EVL: variants seen among roughly 807,000 people sequenced by gnomAD.
The protein encoded by EVL is Enah/Vasp-like.
In EVL, 21 loss-of-function variants were observed where a neutral mutation model predicts 59.6. The observed-to-expected ratio is 0.35, with a 90% CI of 0.25 to 0.51. The LOEUF is 0.51. Ranked by LOEUF, EVL falls within the 20% of genes least tolerant of loss-of-function variation. EVL has a pLI of 0.97. For synonymous variants in EVL, 198 were observed against 203.5 expected (o/e 0.97, Z 0.23); for missense variants, 462 against 546.6 (o/e 0.85, Z 1.54).
At chr14:100,129,741 C>T (rs1888313408) in intron 7 of EVL, 57 bp downstream of exon 7, 2 of 1,476,392 alleles carry the variant, frequency 1.4e-6, no homozygotes, top group Admixed American at 4.8e-5. Context: ...CCTGCCCCCG[C>T]CCCCAGCGCT....
intron 1 of EVL, among the ~76,000 whole-genome samples, chr14:100,021,850 C>G (rs1378022971): frequency 1.3e-5 from 2 of 152,124 alleles, no homozygotes; most frequent in South Asian, 2.1e-4. Flanking sequence ...AAATTGAGAG[C>G]AGACAGAAGC....
intron 1 of EVL, among the ~76,000 whole-genome samples, chr14:99,976,361 G>A (rs2060770227): frequency 6.6e-6 from 1 of 151,978 alleles, no homozygotes; most frequent in Non-Finnish European, 1.5e-5. Flanking sequence ...ATTTCTATTT[G>A]TTTCTGTTTT....
At chr14:100,125,151 C>CACACACACA (rs1566718479) in intron 4 of EVL, among the ~76,000 whole-genome samples, 6 of 124,206 alleles carry the variant, frequency 4.8e-5, no homozygotes, top group African/African-American at 2.3e-4. Flanking sequence ...CACACACACA[C>CACACACACA]CTGCCCCAAG....
chr14:100,118,501 C>T (rs542673695), intron 3 of EVL, among the ~76,000 whole-genome samples: 3 of 152,342 alleles, frequency 2.0e-5, no homozygotes, highest in Admixed American at 6.5e-5. Context: ...CTTCATGTCC[C>T]TGCTTGCAGA....
intron 1 of EVL, among the ~76,000 whole-genome samples, chr14:100,082,441 G>A (rs756860224): frequency 6.6e-6 from 1 of 152,292 alleles, no homozygotes; most frequent in Admixed American, 6.5e-5. Flanking sequence ...TCAGCTATCC[G>A]GTGGGTTGTC....
chr14:99,979,089 TA>T, intron 1 of EVL, among the ~76,000 whole-genome samples: 1 of 152,212 alleles, frequency 6.6e-6, no homozygotes, highest in Non-Finnish European at 1.5e-5. Context: ...TTTGAAGGCT[TA>T]CTGTTGTCTG....
At chr14:100,039,868 T>C (rs188678076) in intron 1 of EVL, among the ~76,000 whole-genome samples, 2 of 152,274 alleles carry the variant, frequency 1.3e-5, no homozygotes, top group Admixed American at 1.3e-4. Flanking sequence ...TGTCACGACC[T>C]CCTGGGTTCA....
At chr14:100,028,144 T>TTG (rs1566974671) in intron 1 of EVL, among the ~76,000 whole-genome samples, 1 of 150,726 alleles carries the variant, frequency 6.6e-6, no homozygotes, top group African/African-American at 2.4e-5. Flanking sequence ...GTTTTTTTTT[T>TTG]TTTTTTTGAG....
chr14:100,125,114 A>C (rs1284582198), intron 4 of EVL, among the ~76,000 whole-genome samples: 1 of 131,822 alleles, frequency 7.6e-6, no homozygotes, highest in African/African-American at 3.0e-5. Context: ...ACCTGCCCCA[A>C]GGCGGGACCA....
chr14:99,976,242 G>A (rs1220424681), intron 1 of EVL, among the ~76,000 whole-genome samples: 1 of 151,468 alleles, frequency 6.6e-6, no homozygotes, highest in African/African-American at 2.4e-5. Flanking sequence ...GGGTCTTGCT[G>A]TGTTGCCCAG....
At chr14:100,096,961 A>G (rs555111762) in intron 2 of EVL, 1 of 152,954 alleles carries the variant, frequency 6.5e-6, no homozygotes, top group South Asian at 2.1e-4. Context: ...AATGCATTCA[A>G]AGTACTAGAC....
At chr14:100,090,756 C>T (rs7148390) in intron 2 of EVL, among the ~76,000 whole-genome samples, 42,344 of 151,958 alleles carry the variant, frequency 0.28, 8,754 homozygotes, top group African/African-American at 0.59. Context: ...ATTAAAAGTA[C>T]AAAAGTGATT....
intron 2 of EVL, among the ~76,000 whole-genome samples, chr14:100,091,543 G>T (rs540573432): frequency 9.9e-5 from 15 of 152,202 alleles, no homozygotes; most frequent in African/African-American, 1.2e-4. Flanking sequence ...GTTCCTGGAG[G>T]GGGGGCAGGC....
Position 100,109,306 on chromosome 14 carries a change from G to A in EVL, c.358+11648G>A, listed in dbSNP as rs949731766. On this transcript the variant is annotated intron_variant, in intron 3 of 13. Coordinates refer to ENST00000392920, the MANE Select transcript of EVL (RefSeq NM_016337.3). This position sits in a 1 kb window ranked among gnomAD's most constrained non-coding sequence, Gnocchi z 4.3. The stretch of plus-strand genomic sequence containing the variant: ...TCATGCATGTTCTCTCCATACTCCT[G>A]GTCACCTTCTGCTCATCCTTTGCCC... 6 of 347,380 alleles carry A rather than the reference G, an allele frequency of 1.7e-5. No individual in the cohort carries two copies. Among genetic ancestry groups the A allele is most frequent in the Non-Finnish European group, 2.8e-5 (5 of 176,460 alleles). The allele number at this position is 347,380 out of a possible 1,614,324, so 21.5% of individuals were successfully genotyped here. A position where few individuals can be genotyped will look rare whatever the true frequency, so the allele number is the denominator to read the frequency against.
intron 1 of EVL, among the ~76,000 whole-genome samples, chr14:100,006,021 C>CG (rs1365700376): frequency 1.3e-5 from 2 of 150,716 alleles, no homozygotes; most frequent in East Asian, 2.0e-4. Flanking sequence ...CCCCCCCCCC[C>CG]CCACACCGAC....
intron 3 of EVL, among the ~76,000 whole-genome samples, chr14:100,122,250 C>T (rs992016893): frequency 1.3e-5 from 2 of 152,204 alleles, no homozygotes; most frequent in African/African-American, 4.8e-5. Flanking sequence ...TCTGACACCA[C>T]TGTCTGATTG....
At chr14:100,081,698 C>A (rs1171063528) in intron 1 of EVL, among the ~76,000 whole-genome samples, 1 of 152,128 alleles carries the variant, frequency 6.6e-6, no homozygotes, top group Non-Finnish European at 1.5e-5. Flanking sequence ...CTCTACGTGC[C>A]GTGCAGTTCT....
At chr14:99,971,567 C>G (rs1364043618) in exon 1 of EVL, 1 of 151,712 alleles carries the variant, frequency 6.6e-6, no homozygotes, top group South Asian at 2.1e-4. Context: ...GTGGGGCGAA[C>G]AGCAACGCGC....
At chr14:100,131,079 G>C (rs554188039) in intron 7 of EVL, among the ~76,000 whole-genome samples, 69 of 152,260 alleles carry the variant, frequency 4.5e-4, no homozygotes, top group Non-Finnish European at 7.8e-4. Flanking sequence ...GGAGAGCTAG[G>C]TGTGGAGGAA....
Sources: gnomAD v4.1 joint callset for allele counts (sites outside exome capture counted in the v4.1 genomes callset) on GRCh38, gnomAD v4.1.1 for gene constraint, Gnocchi (gnomAD v3.1) non-coding constraint, MANE v1.5 for transcripts, NCBI Gene and HGNC (gene_info 2026-07-23, HGNC 2026-07-21) for gene names.